The following EDN3 variants were observed in gnomAD, a reference collection of about 807,000 sequenced individuals.
The protein encoded by EDN3 is endothelin-3.
In EDN3, 9 loss-of-function variants were observed where a neutral mutation model predicts 21.4. The ratio of observed to expected loss-of-function variants is 0.42; its 90% CI spans 0.25 to 0.73. EDN3 has a LOEUF of 0.73. Among genes scored for constraint, EDN3 ranks in the 30% least tolerant of loss-of-function variants. The pLI is 0.26. For synonymous variants in EDN3, 133 were observed against 126.2 expected (o/e 1.05, Z -0.36); for missense variants, 327 against 309.4 (o/e 1.06, Z -0.43).
At chr20:59,309,959 C>T (rs1229807926) in intron 2 of EDN3, among the ~76,000 whole-genome samples, 1 of 152,080 alleles carries the variant, frequency 6.6e-6, no homozygotes, top group Non-Finnish European at 1.5e-5. Flanking sequence ...AAACTTGGTA[C>T]AAAGAGGTTG....
chr20:59,301,687 T>C lies in EDN3; in HGVS notation c.330T>C (p.Tyr110=), dbSNP rs769283989. 1 of 1,614,180 alleles carries C rather than the reference T, an allele frequency of 6.2e-7. No individual in the cohort carries two copies. Among genetic ancestry groups the C allele is most frequent in the South Asian group, 1.1e-5 (1 of 91,080 alleles). The change falls in exon 2 of 5, where the codon TAT becomes TAC. Residue 110 remains tyrosine, a synonymous_variant. Transcript: ENST00000337938. ...FTYKDKECVY[Y]CHLDIIWINT... ...ACAAGGACAAGGAGTGTGTCTACTA[T>C]TGCCACCTGGACATCATTTGGATCA...
Position 59,322,480 on chromosome 20 carries a change from G to A in EDN3, c.588+63G>A, listed in dbSNP as rs374877861. On this transcript the variant is annotated intron_variant, in intron 4 of 4. Transcript: ENST00000337938. The surrounding 1 kb of genome is among the most constrained non-coding windows in gnomAD (Gnocchi z 4.1). ...GAAGATGTGACGTGTCATTCCTTCGGGGGTGGGTGGAGGGTGTTTTGAGGG... is the reference window on the plus strand; with the variant it reads ...GAAGATGTGACGTGTCATTCCTTCGAGGGTGGGTGGAGGGTGTTTTGAGGG... 1.9e-6 allele frequency: 3 copies of A among 1,609,760 alleles called. No individual in the cohort carries two copies. Among genetic ancestry groups the A allele is most frequent in the Non-Finnish European group, 2.6e-6 (3 of 1,176,184 alleles).
chr20:59,310,957 G>A (rs1401892222), intron 2 of EDN3, among the ~76,000 whole-genome samples: 1 of 152,022 alleles, frequency 6.6e-6, no homozygotes, highest in Non-Finnish European at 1.5e-5. Flanking sequence ...GGGTGAGTGA[G>A]GCACTCCCTC....
intron 2 of EDN3, among the ~76,000 whole-genome samples, chr20:59,307,661 T>A (rs544980830): frequency 6.6e-6 from 1 of 152,260 alleles, no homozygotes; most frequent in Non-Finnish European, 1.5e-5. Flanking sequence ...TGGTTCCCCA[T>A]CCGTGACTGA....
Position 59,324,361 on chromosome 20 carries a change from G to A in EDN3, c.619G>A (p.Ala207Thr), listed in dbSNP as rs909168391. The change falls in exon 5 of 5, where the codon GCT (alanine) becomes ACT (threonine). Residue 207 changes from alanine (A) to threonine (T), a missense_variant. Transcript: ENST00000337938. ...VEVKDQQSKQ[A>T]LDLHHPKLMP... ...AGTCAAGGACCAACAAAGCAAGCAG[G>A]CTTTAGACCTCCACCATCCAAAGCT... 26 of 1,613,962 alleles carry A rather than the reference G, an allele frequency of 1.6e-5. No individual in the cohort carries two copies. Among genetic ancestry groups the A allele is most frequent in the Non-Finnish European group, 2.1e-5 (25 of 1,180,012 alleles).
rs1989363752 is a variant in EDN3, at chr20:59,305,772, C to T, written c.365+4050C>T. Among the ~76,000 whole-genome samples, 1 of 152,200 alleles carries T rather than the reference C, an allele frequency of 6.6e-6. No individual in the cohort carries two copies. The highest frequency in any genetic ancestry group is 1.5e-5 in the Non-Finnish European group (1 of 68,036). ...TTTTCTGTTCGGGAACCTGTCTTTT[C>T]TGTGAAGGCCCTCAACAGATTGGAT... On this transcript the variant is annotated intron_variant, in intron 2 of 4. Coordinates refer to ENST00000337938, the MANE Select transcript of EDN3 (RefSeq NM_207034.3). The surrounding 1 kb of genome is among the most constrained non-coding windows in gnomAD (Gnocchi z 4.2).
chr20:59,301,754 C>T lies in EDN3; in HGVS notation c.365+32C>T, dbSNP rs538717681. 1.7e-5 allele frequency: 28 copies of T among 1,610,960 alleles called. 1 individual carries two copies. The South Asian group carries it at 3.0e-4, about 17-fold the overall frequency. ...CAGCCTTTTGTGGTGAGGAACGTGG[C>T]TCCCGGACCAGGCCCACATCTGCTC... On this transcript the variant is annotated intron_variant, in intron 2 of 4. Transcript: ENST00000337938.
intron 2 of EDN3, among the ~76,000 whole-genome samples, chr20:59,313,906 A>G (rs1345950176): frequency 1.3e-5 from 2 of 152,196 alleles, no homozygotes; most frequent in Non-Finnish European, 2.9e-5. Context: ...AGGGCACCCC[A>G]TGGGCTGTCT....
chr20:59,300,901 G>A (rs1988959229), intron 1 of EDN3, 37 bp downstream of exon 1: 1 of 1,605,802 alleles, frequency 6.2e-7, no homozygotes, highest in African/African-American at 1.3e-5. Flanking sequence ...CCTGGCGCGA[G>A]CGCACACAAA....
intron 2 of EDN3, among the ~76,000 whole-genome samples, chr20:59,306,956 C>A (rs1357986495): frequency 6.6e-6 from 1 of 152,094 alleles, no homozygotes; most frequent in Non-Finnish European, 1.5e-5. Context: ...ATGAGCCTGG[C>A]CAACATGGTG....
rs529955520 is a variant in EDN3 at position 59,321,274 on chromosome 20, A to T, written c.542+81A>T. On this transcript the variant is annotated intron_variant, in intron 3 of 4. Transcript: ENST00000337938. ...GGCCAGGCCAGGGGCTTCTCAAAGGAGGGTGTAGGATAGTTCAGTCACATC... is the reference window on the plus strand; with the variant it reads ...GGCCAGGCCAGGGGCTTCTCAAAGGTGGGTGTAGGATAGTTCAGTCACATC... 9.4e-6 allele frequency: 14 copies of T among 1,485,880 alleles called. No homozygotes were observed. In the African/African-American group the frequency reaches 1.2e-4, roughly 13 times the overall value. The allele number at this position is 1,485,880 out of a possible 1,614,324, so 92.0% of individuals were successfully genotyped here. A position where few individuals can be genotyped will look rare whatever the true frequency, so the allele number is the denominator to read the frequency against.
At position 59,325,464 on chromosome 20, in the gene EDN3, T is replaced by G. The variant is rs1352453958; in HGVS notation, c.*1005T>G. The G allele has an allele frequency of 6.6e-6, 1 of 152,168 alleles. No individual in the cohort carries two copies. The highest frequency in any genetic ancestry group is 1.5e-5 in the Non-Finnish European group (1 of 68,022). 9.4% of individuals were successfully genotyped at this position (152,168 alleles called of 1,614,324 possible). Reference sequence around the variant, plus strand: ...GGAGATGTTATCCCACCATGTAAAGTCGCCTGCGCAGGGGAGGGCTGCCCA... The same window carrying G: ...GGAGATGTTATCCCACCATGTAAAGGCGCCTGCGCAGGGGAGGGCTGCCCA... On this transcript the variant is annotated 3_prime_UTR_variant, in exon 5 of 5. Coordinates refer to ENST00000337938, the MANE Select transcript of EDN3 (RefSeq NM_207034.3).
chr20:59,307,520 T>C (rs912280681), intron 2 of EDN3, among the ~76,000 whole-genome samples: 3 of 152,230 alleles, frequency 2.0e-5, no homozygotes, highest in African/African-American at 7.2e-5. Context: ...GTTCCCAACA[T>C]GGGCTTCTTA....
chr20:59,304,443 G>T (rs1377912384), intron 2 of EDN3, among the ~76,000 whole-genome samples: 1 of 152,150 alleles, frequency 6.6e-6, no homozygotes, highest in Admixed American at 6.5e-5. Flanking sequence ...ATTTCTCCCT[G>T]TCCCAGCGGC....
chr20:59,317,034 G>A (rs1990230026), intron 2 of EDN3, among the ~76,000 whole-genome samples: 1 of 152,212 alleles, frequency 6.6e-6, no homozygotes, highest in African/African-American at 2.4e-5. Context: ...GTATTATAGA[G>A]CGGTAGGCCC....
intron 2 of EDN3, among the ~76,000 whole-genome samples, chr20:59,312,258 T>C (rs987591215): frequency 4.6e-5 from 7 of 152,308 alleles, no homozygotes; most frequent in African/African-American, 1.7e-4. Flanking sequence ...AACTCTAGCC[T>C]AACTCGTTTG....
intron 2 of EDN3, among the ~76,000 whole-genome samples, chr20:59,303,497 C>T (rs1422969354): frequency 6.6e-6 from 1 of 152,206 alleles, no homozygotes; most frequent in African/African-American, 2.4e-5. Flanking sequence ...GAATCCCCAG[C>T]TGTGAATCTA....
At position 59,324,488 on chromosome 20, in the gene EDN3, G is replaced by T; in HGVS notation, c.*29G>T. The stretch of plus-strand genomic sequence containing the variant: ...GACAGGCCTGCAGCATCCTGGTCTC[G>T]GGAGGCTTCTGTCATTGCTCACACA... On this transcript the variant is annotated 3_prime_UTR_variant, in exon 5 of 5. Transcript: ENST00000337938. 1 of 1,613,752 alleles carries T rather than the reference G, an allele frequency of 6.2e-7. No homozygotes were observed. Among genetic ancestry groups the T allele is most frequent in the Non-Finnish European group, 8.5e-7 (1 of 1,179,946 alleles).
In EDN3 at chr20:59,311,052, C is replaced by CA. The variant is rs928697186; in HGVS notation, c.365+9339dup. On this transcript the variant is annotated intron_variant, in intron 2 of 4. Coordinates refer to ENST00000337938, the MANE Select transcript of EDN3 (RefSeq NM_207034.3). Reference sequence around the variant, plus strand: ...TATTTTCAGAAAGCCAAAATGAGTGCAAAAAAAAATTCATAATCGACCAAA... The same window carrying CA: ...TATTTTCAGAAAGCCAAAATGAGTGCAAAAAAAAAATTCATAATCGACCAAA... 3.0e-4 allele frequency among the ~76,000 whole-genome samples: 45 copies of CA among 150,848 alleles called. No homozygotes were observed. The East Asian group carries it at 3.7e-3, about 12-fold the overall frequency.
Sources: allele counts gnomAD v4.1 joint callset (sites outside exome capture counted in the v4.1 genomes callset), GRCh38; gene constraint gnomAD v4.1.1; non-coding constraint Gnocchi (gnomAD v3.1); transcripts MANE v1.5; gene names NCBI Gene and HGNC (gene_info 2026-07-23, HGNC 2026-07-21).